The following LONP2 variants were observed in gnomAD, a reference collection of about 807,000 sequenced individuals.
The protein encoded by LONP2 is lon peptidase 2, peroxisomal.
Under a neutral mutation model 85.6 loss-of-function variants are expected in LONP2, and 60 were observed. The ratio of observed to expected loss-of-function variants is 0.70; its 90% CI spans 0.57 to 0.87. LONP2 has a LOEUF of 0.87. Among genes scored for constraint, LONP2 ranks in the 40% least tolerant of loss-of-function variants. The probability of loss-of-function intolerance (pLI) is 0.00; values close to 1 mark genes in which losing one functional copy is unlikely to be tolerated. For synonymous variants in LONP2, 395 were observed against 389.7 expected (o/e 1.01, Z -0.16); for missense variants, 860 against 1,063.5 (o/e 0.81, Z 2.66).
At chr16:48,359,065 G>A (rs970117678), downstream of LONP2, among the ~76,000 whole-genome samples, 2 of 152,142 alleles carry the variant, frequency 1.3e-5, no homozygotes, top group African/African-American at 2.4e-5. Context: ...TTGGCTCACT[G>A]CAACCTCCGC....
chr16:48,317,100 C>T (rs554365906), intron 11 of LONP2, among the ~76,000 whole-genome samples: 1 of 152,244 alleles, frequency 6.6e-6, no homozygotes, highest in African/African-American at 2.4e-5. Context: ...CTTATTCCTT[C>T]GTGGGTGACC....
At chr16:48,340,131 A>G (rs985432525) in intron 12 of LONP2, among the ~76,000 whole-genome samples, 3 of 152,194 alleles carry the variant, frequency 2.0e-5, no homozygotes, top group Admixed American at 6.5e-5. Context: ...GAGAGTCAGG[A>G]TGGTAAAGCC....
intron 12 of LONP2, among the ~76,000 whole-genome samples, chr16:48,343,527 G>T (rs777380194): frequency 2.1e-4 from 32 of 151,792 alleles, no homozygotes; most frequent in Admixed American, 1.1e-3. Flanking sequence ...TGAAACCCCC[G>T]TCTCTACTAA....
chr16:48,318,895 T>A (rs1282140025), intron 11 of LONP2, among the ~76,000 whole-genome samples: 1 of 152,156 alleles, frequency 6.6e-6, no homozygotes, highest in African/African-American at 2.4e-5. Flanking sequence ...TGCTTTATGC[T>A]AGTTATTTTA....
At chr16:48,334,127 C>G in intron 11 of LONP2, 89 bp from the exon 12 acceptor site, 1 of 1,201,406 alleles carries the variant, frequency 8.3e-7, no homozygotes, top group Non-Finnish European at 1.2e-6. Context: ...TTTTGAGGTC[C>G]ACTGGGCTTT....
intron 9 of LONP2, among the ~76,000 whole-genome samples, chr16:48,296,699 G>A (rs1367989382): frequency 6.7e-6 from 1 of 150,112 alleles, no homozygotes; most frequent in Non-Finnish European, 1.5e-5. Context: ...CTCCAGCCTG[G>A]GTGACAGAGT....
chr16:48,320,406 G>T (rs1045097068), intron 11 of LONP2, among the ~76,000 whole-genome samples: 1 of 152,026 alleles, frequency 6.6e-6, no homozygotes, highest in African/African-American at 2.4e-5. Flanking sequence ...AGGAACTAAG[G>T]TTGCTGTTGA....
chr16:48,330,586 T>C (rs1959406497), intron 11 of LONP2, among the ~76,000 whole-genome samples: 1 of 152,128 alleles, frequency 6.6e-6, no homozygotes, highest in Non-Finnish European at 1.5e-5. Context: ...ACATTTTGCT[T>C]GTTGGTTGTT....
rs1960175118 is a variant in LONP2, at chr16:48,352,289, C to G, written c.*487C>G. Reference sequence around the variant, plus strand: ...CTGTAGAGTTTATTGGATCCTGAAACCAATCAATTACTTAGAACTAGGCAA... The same window carrying G: ...CTGTAGAGTTTATTGGATCCTGAAAGCAATCAATTACTTAGAACTAGGCAA... On this transcript the variant is annotated 3_prime_UTR_variant, in exon 15 of 15. Transcript: ENST00000285737. 6.4e-6 allele frequency: 1 copy of G among 157,254 alleles called. No individual in the cohort carries two copies. The highest frequency in any genetic ancestry group is 1.4e-5 in the Non-Finnish European group (1 of 70,926). 9.7% of individuals were successfully genotyped at this position (157,254 alleles called of 1,614,324 possible).
chr16:48,244,926 C>T (rs964718502), intron 1 of LONP2, among the ~76,000 whole-genome samples: 8 of 152,170 alleles, frequency 5.3e-5, no homozygotes, highest in African/African-American at 1.7e-4. Flanking sequence ...GGTCTTCAGC[C>T]TCCTAGGCCA....
chr16:48,252,194 T>A lies in LONP2; in HGVS notation c.297T>A (p.Thr99=). The part of the protein sequence containing the change: ...VGSNWPKPHY[T]LLITGLCRFQ... The stretch of plus-strand genomic sequence containing the variant: ...GTAACTGGCCCAAGCCCCACTACAC[T>A]CTGTTGATTACAGGCCTATGCCGTT... Residue 99 remains threonine, a synonymous_variant, in exon 2 of 15, where the codon ACT becomes ACA. Coordinates refer to ENST00000285737, the MANE Select transcript of LONP2 (RefSeq NM_031490.5). 1.9e-6 allele frequency: 3 copies of A among 1,613,726 alleles called. No individual in the cohort carries two copies. The highest frequency in any genetic ancestry group is 2.5e-6 in the Non-Finnish European group (3 of 1,179,694).
chr16:48,361,400 A>G (rs926861951), downstream of LONP2: 3 of 580,910 alleles, frequency 5.2e-6, no homozygotes, highest in African/African-American at 5.6e-5. Flanking sequence ...ACTTATTTTT[A>G]AATATATTAG....
At chr16:48,261,004 T>C (rs1263567041) in intron 4 of LONP2, among the ~76,000 whole-genome samples, 1 of 152,208 alleles carries the variant, frequency 6.6e-6, no homozygotes, top group Admixed American at 6.5e-5. Flanking sequence ...AGGTTGAAGA[T>C]GCTAGGAAGA....
At chr16:48,303,783 G>A (rs1487400030) in intron 11 of LONP2, among the ~76,000 whole-genome samples, 2 of 152,298 alleles carry the variant, frequency 1.3e-5, no homozygotes, top group East Asian at 1.9e-4. Flanking sequence ...ACTGGCGTAC[G>A]TTCAAGAGTC....
At chr16:48,294,881 T>G (rs1173570390) in intron 8 of LONP2, among the ~76,000 whole-genome samples, 1 of 152,216 alleles carries the variant, frequency 6.6e-6, no homozygotes, top group Non-Finnish European at 1.5e-5. Flanking sequence ...ATTGCCTTTT[T>G]GAATATGTAT....
chr16:48,284,436 C>T (rs895842769), intron 8 of LONP2, among the ~76,000 whole-genome samples: 5 of 152,024 alleles, frequency 3.3e-5, no homozygotes, highest in Non-Finnish European at 7.4e-5. Flanking sequence ...TTACTGTTGC[C>T]TTATTTTAAG....
intron 12 of LONP2, among the ~76,000 whole-genome samples, chr16:48,341,128 C>G (rs1254920606): frequency 6.6e-6 from 1 of 151,948 alleles, no homozygotes; most frequent in Non-Finnish European, 1.5e-5. Flanking sequence ...TGGTGAAACC[C>G]TGTCTCTACT....
chr16:48,314,809 T>G (rs567287656), intron 11 of LONP2, among the ~76,000 whole-genome samples: 222 of 152,344 alleles, frequency 1.5e-3, no homozygotes, highest in African/African-American at 5.0e-3. Flanking sequence ...GTTTTCTAAT[T>G]TTTTGTTGGT....
intron 6 of LONP2, among the ~76,000 whole-genome samples, chr16:48,265,604 C>T (rs1971973623): frequency 6.6e-6 from 1 of 152,182 alleles, no homozygotes; most frequent in Admixed American, 6.5e-5. Context: ...GTGCCAGAAT[C>T]ATACTCTCTG....
Sources: allele counts gnomAD v4.1 joint callset (sites outside exome capture counted in the v4.1 genomes callset), GRCh38; gene constraint gnomAD v4.1.1; transcripts MANE v1.5; gene names NCBI Gene and HGNC (gene_info 2026-07-23, HGNC 2026-07-21).